Variants in PLCB1 observed in about 807,000 individuals in gnomAD.
PLCB1 encodes the protein phospholipase C beta 1, also known as 1-phosphatidylinositol 4,5-bisphosphate phosphodiesterase beta-1.
Under a neutral mutation model 161.8 loss-of-function variants are expected in PLCB1, and 46 were observed. The observed-to-expected ratio is 0.28, with a 90% CI of 0.22 to 0.36. PLCB1 has a LOEUF of 0.36. Ranked by LOEUF, PLCB1 falls within the 10% of genes least tolerant of loss-of-function variation. The pLI is 1.00. For synonymous variants in PLCB1, 517 were observed against 503.7 expected (o/e 1.03, Z -0.35); for missense variants, 1,016 against 1,472.5 (o/e 0.69, Z 5.07).
At chr20:8,415,917 A>G (rs1979250086) in intron 3 of PLCB1, among the ~76,000 whole-genome samples, 1 of 152,212 alleles carries the variant, frequency 6.6e-6, no homozygotes, top group Admixed American at 6.5e-5. Flanking sequence ...TCTTGGCCAC[A>G]GGGTGTAAAG....
At chr20:8,864,059 C>A (rs910801613) in intron 31 of PLCB1, among the ~76,000 whole-genome samples, 4 of 152,104 alleles carry the variant, frequency 2.6e-5, no homozygotes, top group Non-Finnish European at 4.4e-5. Flanking sequence ...TCTTGGCATA[C>A]AATTAGACAA....
At chr20:8,522,160 G>A (rs1600124978) in intron 3 of PLCB1, among the ~76,000 whole-genome samples, 2 of 152,110 alleles carry the variant, frequency 1.3e-5, no homozygotes, top group African/African-American at 2.4e-5. Context: ...AAATTCAGTC[G>A]CCTCACCTCA....
At chr20:8,408,985 T>C (rs1189467148) in intron 3 of PLCB1, among the ~76,000 whole-genome samples, 1 of 152,242 alleles carries the variant, frequency 6.6e-6, no homozygotes, top group Non-Finnish European at 1.5e-5. Context: ...ATAAATTTAA[T>C]TTTCAGTATT....
intron 3 of PLCB1, among the ~76,000 whole-genome samples, chr20:8,475,573 CAA>C (rs1982241605): frequency 6.6e-6 from 1 of 152,222 alleles, no homozygotes; most frequent in African/African-American, 2.4e-5. Flanking sequence ...AGTTGAAACA[CAA>C]ATGTAACTTT....
At chr20:8,506,679 C>A (rs1026306278) in intron 3 of PLCB1, among the ~76,000 whole-genome samples, 7 of 152,052 alleles carry the variant, frequency 4.6e-5, no homozygotes, top group Non-Finnish European at 1.0e-4. Flanking sequence ...ATCTAACTGA[C>A]CTTAACTAAT....
chr20:8,669,641 T>A (rs1157803213), intron 9 of PLCB1, among the ~76,000 whole-genome samples: 3 of 152,164 alleles, frequency 2.0e-5, no homozygotes, highest in Non-Finnish European at 4.4e-5. Context: ...CTCAATGTAG[T>A]AGAACCTCCT....
At chr20:8,222,045 C>G (rs1979442093) in intron 2 of PLCB1, among the ~76,000 whole-genome samples, 1 of 152,106 alleles carries the variant, frequency 6.6e-6, no homozygotes, top group African/African-American at 2.4e-5. Context: ...CTTCTTGGTT[C>G]CATAGTGGTT....
intron 3 of PLCB1, among the ~76,000 whole-genome samples, chr20:8,372,567 AGT>A (rs1210771991): frequency 1.3e-5 from 2 of 152,358 alleles, no homozygotes; most frequent in East Asian, 3.9e-4. Context: ...GGCTTCTATA[AGT>A]GTTTCATATG....
intron 23 of PLCB1, among the ~76,000 whole-genome samples, chr20:8,743,575 A>C (rs1257841683): frequency 6.6e-6 from 1 of 152,034 alleles, no homozygotes. Flanking sequence ...ACCTCCCTGC[A>C]GTTTTTTCCT....
At chr20:8,779,812 G>A (rs1345162296) in intron 27 of PLCB1, among the ~76,000 whole-genome samples, 1 of 152,188 alleles carries the variant, frequency 6.6e-6, no homozygotes, top group Admixed American at 6.5e-5. Flanking sequence ...GAAATACAGT[G>A]AGCTCTTTAC....
At chr20:8,664,863 T>A (rs2123344266) in intron 9 of PLCB1, among the ~76,000 whole-genome samples, 1 of 152,226 alleles carries the variant, frequency 6.6e-6, no homozygotes, top group South Asian at 2.1e-4. Flanking sequence ...TATACAGAAA[T>A]CCTTTTTACT....
At chr20:8,623,461 A>G (rs928084950) in intron 3 of PLCB1, among the ~76,000 whole-genome samples, 23 of 152,216 alleles carry the variant, frequency 1.5e-4, no homozygotes, top group Admixed American at 2.0e-4. Context: ...TTCTATACTT[A>G]TACAGTGACT....
At chr20:8,188,567 G>A (rs1449714572) in intron 2 of PLCB1, among the ~76,000 whole-genome samples, 1 of 152,120 alleles carries the variant, frequency 6.6e-6, no homozygotes, top group Admixed American at 6.5e-5. Context: ...CTAGACAGAA[G>A]TATGTTTATG....
At chr20:8,203,543 A>G (rs1260358994) in intron 2 of PLCB1, among the ~76,000 whole-genome samples, 2 of 152,112 alleles carry the variant, frequency 1.3e-5, no homozygotes, top group African/African-American at 4.8e-5. Context: ...AGAGAGAAGT[A>G]CATGTCACCA....
intron 2 of PLCB1, chr20:8,256,996 A>G (rs1981454710): frequency 6.6e-6 from 1 of 152,138 alleles, no homozygotes; most frequent in Non-Finnish European, 1.5e-5. Flanking sequence ...GATTTCCTAA[A>G]AGGGTATGGG....
chr20:8,434,381 A>G (rs1293486370), intron 3 of PLCB1, among the ~76,000 whole-genome samples: 4 of 152,198 alleles, frequency 2.6e-5, no homozygotes, highest in Non-Finnish European at 5.9e-5. Context: ...ACAAAATCAT[A>G]AAATAATAAT....
chr20:8,227,085 T>C (rs1393042775), intron 2 of PLCB1, among the ~76,000 whole-genome samples: 2 of 152,184 alleles, frequency 1.3e-5, no homozygotes, highest in Non-Finnish European at 2.9e-5. Context: ...TGAGATATTT[T>C]ACATTCTCCT....
chr20:8,678,307 G>A (rs1990135466), intron 9 of PLCB1, among the ~76,000 whole-genome samples: 2 of 152,158 alleles, frequency 1.3e-5, no homozygotes, highest in African/African-American at 4.8e-5. Context: ...CTGAAAGAAT[G>A]AGAGTAATGT....
intron 3 of PLCB1, among the ~76,000 whole-genome samples, chr20:8,487,195 A>G (rs934990317): frequency 6.6e-6 from 1 of 152,182 alleles, no homozygotes; most frequent in African/African-American, 2.4e-5. Flanking sequence ...ACTCCTTGCT[A>G]TTCTCAGGTT....
Sources: allele counts gnomAD v4.1 joint callset (sites outside exome capture counted in the v4.1 genomes callset), GRCh38; gene constraint gnomAD v4.1.1; transcripts MANE v1.5; gene names NCBI Gene and HGNC (gene_info 2026-07-23, HGNC 2026-07-21).